The following PRSS23 variants were observed in gnomAD, a reference collection of about 807,000 sequenced individuals.
PRSS23 encodes the protein protease, serine 23.
Under a neutral mutation model 34.7 loss-of-function variants are expected in PRSS23, and 25 were observed. The observed-to-expected ratio is 0.72, with a 90% confidence interval of 0.53 to 1.01. PRSS23 has a LOEUF of 1.01. PRSS23 is among the 50% of genes least tolerant of loss of function. PRSS23 has a pLI of 0.00. For synonymous variants in PRSS23, 176 were observed against 186.6 expected (o/e 0.94, Z 0.46); for missense variants, 445 against 475.6 (o/e 0.94, Z 0.60).
intron 2 of PRSS23, among the ~76,000 whole-genome samples, chr11:86,920,516 A>G (rs1255023516): frequency 6.6e-6 from 1 of 152,212 alleles, no homozygotes; most frequent in Admixed American, 6.5e-5. Flanking sequence ...AAGCCTGGGG[A>G]CAAACATCAT....
chr11:86,792,861 A>T lies in PRSS23; in HGVS notation c.-14+1666A>T, dbSNP rs114099826. Among the ~76,000 whole-genome samples the T allele has an allele frequency of 3.2e-3, 492 of 152,240 alleles. 3 individuals are homozygous for T. Among genetic ancestry groups the T allele is most frequent in the African/African-American group, 0.011 (443 of 41,536 alleles). ...TTGTAGAAGTGGGGTAAACTTACGG[A>T]TGACGTTTTTCAAACTCCATTCTTT... On this transcript the variant is annotated intron_variant, in intron 1 of 1. Transcript: ENST00000527521.
intron 2 of PRSS23, chr11:86,910,062 A>G (rs1948967880): frequency 6.6e-6 from 1 of 152,012 alleles, no homozygotes; most frequent in African/African-American, 2.4e-5. Context: ...ACTCTTTTGA[A>G]TTAGTCTCCA....
intron 2 of PRSS23, among the ~76,000 whole-genome samples, chr11:86,940,543 GGCAGACAGAGCAAGCTATGTAAAAACA>G (rs1279134616): frequency 2.5e-4 from 38 of 152,128 alleles, no homozygotes; most frequent in African/African-American, 8.2e-4. Flanking sequence ...CAGTCCACAC[GGCAGACAGAGCAAGCTATGTAAAAACA>G]CCAACAGGGA....
chr11:86,796,065 T>C (rs1277308577), upstream of PRSS23, among the ~76,000 whole-genome samples: 1 of 152,194 alleles, frequency 6.6e-6, no homozygotes, highest in Admixed American at 6.5e-5. Context: ...TCGTGAGTTA[T>C]TACATAACTG....
chr11:86,915,965 G>A (rs1949010108), intron 2 of PRSS23, among the ~76,000 whole-genome samples: 1 of 152,078 alleles, frequency 6.6e-6, no homozygotes, highest in African/African-American at 2.4e-5. Context: ...TGAGGGACAA[G>A]AATTGCTTGA....
chr11:86,878,618 T>A lies in PRSS23; in HGVS notation c.206+55025T>A, dbSNP rs535633003. Among the ~76,000 whole-genome samples the A allele has an allele frequency of 5.0e-3, 753 of 152,036 alleles. 5 individuals carry two copies. The highest frequency in any genetic ancestry group is 0.017 in the African/African-American group (706 of 41,466). On this transcript the variant is annotated intron_variant, in intron 2 of 2. Coordinates refer to the PRSS23 transcript ENST00000533902. The stretch of plus-strand genomic sequence containing the variant: ...GGCGTGATCTCGGCTCGCTACAACC[T>A]CCACCTCCCAGCCGCCTGCCTTGGC...
At chr11:86,826,550 A>T (rs1460796247) in intron 2 of PRSS23, among the ~76,000 whole-genome samples, 4 of 152,160 alleles carry the variant, frequency 2.6e-5, no homozygotes, top group African/African-American at 7.2e-5. Flanking sequence ...GTGGTGAGAG[A>T]GGGCATCCCT....
At chr11:86,841,222 C>A (rs1948444673) in intron 2 of PRSS23, among the ~76,000 whole-genome samples, 1 of 151,670 alleles carries the variant, frequency 6.6e-6, no homozygotes, top group East Asian at 1.9e-4. Context: ...GCCTGCAATC[C>A]CAGCTACTCA....
chr11:86,882,265 C>A (rs1349429887), intron 2 of PRSS23, among the ~76,000 whole-genome samples: 3 of 152,056 alleles, frequency 2.0e-5, no homozygotes, highest in African/African-American at 7.2e-5. Context: ...TTAGTAAATG[C>A]ATGTCATGAG....
chr11:86,833,857 G>A (rs532714759), intron 2 of PRSS23, among the ~76,000 whole-genome samples: 8 of 152,056 alleles, frequency 5.3e-5, no homozygotes, highest in Non-Finnish European at 8.8e-5. Flanking sequence ...GAGGTTGGCC[G>A]ACTGACCACT....
chr11:86,935,256 A>G (rs1171717627), intron 2 of PRSS23: 1 of 152,248 alleles, frequency 6.6e-6, no homozygotes, highest in Non-Finnish European at 1.5e-5. Flanking sequence ...TATTATTTCA[A>G]CCAATGCTTA....
intron 2 of PRSS23, among the ~76,000 whole-genome samples, chr11:86,839,116 A>C (rs183938970): frequency 1.3e-3 from 200 of 152,262 alleles, no homozygotes; most frequent in Middle Eastern, 3.4e-3. Context: ...CCTCGCCAGC[A>C]AGGGAACAAA....
At position 86,807,835 on chromosome 11, in the gene PRSS23, A is replaced by T. The variant is rs368703656; in HGVS notation, c.192A>T (p.Ser64=). ...GAEAKLEVSS[S]CGPQCHKGTP... is the part of the protein sequence containing the mutation. ...AAGCCAAATTAGAAGTATCTTCTTC[A>T]TGTGGACCCCAGTGTCATAAGGGAA... is the stretch of plus-strand genomic sequence containing the variant. The change falls in exon 2 of 2, where the codon TCA becomes TCT. Residue 64 remains serine (S), a synonymous_variant. Coordinates refer to ENST00000280258, the MANE Select transcript of PRSS23 (RefSeq NM_007173.6). 4.0e-5 allele frequency: 65 copies of T among 1,614,030 alleles called. No homozygotes were observed. Among genetic ancestry groups the T allele is most frequent in the Non-Finnish European group, 5.4e-5 (64 of 1,180,034 alleles).
At chr11:86,839,056 T>TAAAAA (rs36015483) in intron 2 of PRSS23, among the ~76,000 whole-genome samples, 1 of 144,094 alleles carries the variant, frequency 6.9e-6, no homozygotes, top group Admixed American at 6.9e-5. Flanking sequence ...AGCAAAAAAT[T>TAAAAA]AAAAAAAAAA....
chr11:86,939,405 T>A (rs10792894), intron 2 of PRSS23, among the ~76,000 whole-genome samples: 17,170 of 54,516 alleles, frequency 0.31, 1,720 homozygotes, highest in Non-Finnish European at 0.35. Flanking sequence ...AAAAAAAAAA[T>A]ATATATATAT....
upstream of PRSS23, among the ~76,000 whole-genome samples, chr11:86,795,727 C>T (rs889858609): frequency 2.6e-5 from 4 of 152,212 alleles, no homozygotes; most frequent in Non-Finnish European, 5.9e-5. Context: ...TCTCTTTTCA[C>T]TCACTACACA....
chr11:86,900,236 T>G (rs1281628252), intron 2 of PRSS23, among the ~76,000 whole-genome samples: 1 of 152,208 alleles, frequency 6.6e-6, no homozygotes, highest in Non-Finnish European at 1.5e-5. Context: ...CCTCTAATTG[T>G]AGACACTTTG....
At chr11:86,827,590 T>C (rs1948312837) in intron 2 of PRSS23, among the ~76,000 whole-genome samples, 1 of 152,198 alleles carries the variant, frequency 6.6e-6, no homozygotes, top group African/African-American at 2.4e-5. Flanking sequence ...GATGTTCGGG[T>C]GTCAATTTTG....
intron 2 of PRSS23, among the ~76,000 whole-genome samples, chr11:86,879,646 G>C (rs1268387943): frequency 2.9e-5 from 4 of 136,934 alleles, no homozygotes; most frequent in Non-Finnish European, 1.6e-5. Flanking sequence ...CCCTCTGCCC[G>C]GCCAGCCGCC....
Sources: allele counts gnomAD v4.1 joint callset (sites outside exome capture counted in the v4.1 genomes callset), GRCh38; gene constraint gnomAD v4.1.1; transcripts MANE v1.5; gene names NCBI Gene and HGNC (gene_info 2026-07-23, HGNC 2026-07-21).